NR1I2: variants seen among roughly 807,000 people sequenced by gnomAD.
The protein encoded by NR1I2 is orphan nuclear receptor PAR1.
A neutral mutation model predicts 43.3 loss-of-function variants in NR1I2; 42 were observed. The ratio of observed to expected loss-of-function variants is 0.97; its 90% CI spans 0.76 to 1.26. The LOEUF (loss-of-function observed/expected upper bound fraction) is 1.26. Ranked by LOEUF, NR1I2 falls within the 50% of genes most tolerant of loss-of-function variation. The pLI, the probability that NR1I2 is intolerant of heterozygous loss-of-function variation, is 0.00. For synonymous variants in NR1I2, 229 were observed against 215.0 expected (o/e 1.06, Z -0.57); for missense variants, 559 against 566.7 (o/e 0.99, Z 0.14).
At position 119,802,964 on chromosome 3, in the gene NR1I2, TA is replaced by T. The variant is rs1206044519; in HGVS notation, c.-22-4264del. On this transcript the variant is annotated intron_variant, in intron 1 of 8. Coordinates refer to ENST00000393716, the MANE Select transcript of NR1I2 (RefSeq NM_003889.4). Reference sequence around the variant, plus strand: ...ATCCTCATCCCCAGTGTGATGGCTTTAGAAGATGGGGACTTTGGGGGGTGAT... The same window carrying T: ...ATCCTCATCCCCAGTGTGATGGCTTTGAAGATGGGGACTTTGGGGGGTGAT... 6.6e-6 allele frequency: 3 copies of T among 456,664 alleles called. No homozygotes were observed. In the East Asian group the frequency reaches 2.1e-4, roughly 32 times the overall value. The allele number at this position is 456,664 out of a possible 1,614,324, so 28.3% of individuals were successfully genotyped here. A position where few individuals can be genotyped will look rare whatever the true frequency, so the allele number is the denominator to read the frequency against.
chr3:119,792,481 C>A, intron 1 of NR1I2: 2 of 1,076,896 alleles, frequency 1.9e-6, no homozygotes, highest in Non-Finnish European at 2.8e-6. Context: ...ACATCACGTA[C>A]CAGCTCTCTC....
chr3:119,785,294 G>A (rs553747428), intron 1 of NR1I2, among the ~76,000 whole-genome samples: 14 of 152,268 alleles, frequency 9.2e-5, no homozygotes, highest in African/African-American at 2.4e-4. Context: ...TTTGGGACTT[G>A]TTGAGATTGA....
At chr3:119,814,871 C>T in intron 5 of NR1I2, 108 bp from the exon 6 acceptor site, 2 of 1,384,854 alleles carry the variant, frequency 1.4e-6, no homozygotes, top group Non-Finnish European at 2.0e-6. Context: ...AGGAGCCATC[C>T]TCCCTCTTCC....
intron 2 of NR1I2, among the ~76,000 whole-genome samples, chr3:119,809,530 G>C (rs2055206700): frequency 7.2e-6 from 1 of 138,944 alleles, no homozygotes; most frequent in Admixed American, 7.2e-5. Flanking sequence ...AGGGGAGCTG[G>C]AGAAGGCGGC....
At chr3:119,785,638 A>G (rs1261476424) in intron 1 of NR1I2, among the ~76,000 whole-genome samples, 1 of 152,188 alleles carries the variant, frequency 6.6e-6, no homozygotes, top group East Asian at 1.9e-4. Flanking sequence ...TCCAGGCCCC[A>G]GGCCTACAGG....
intron 1 of NR1I2, among the ~76,000 whole-genome samples, chr3:119,788,481 A>G (rs2054875068): frequency 6.6e-6 from 1 of 152,028 alleles, no homozygotes. Flanking sequence ...TCTCTTGCCC[A>G]GGCTGCAGTG....
chr3:119,816,505 C>T (rs1390631745), intron 8 of NR1I2, among the ~76,000 whole-genome samples: 4 of 152,142 alleles, frequency 2.6e-5, no homozygotes, highest in Middle Eastern at 3.2e-3. Flanking sequence ...CATTTTCCCA[C>T]GGAAGTCTCT....
chr3:119,805,209 G>A (rs1345760853), intron 1 of NR1I2, among the ~76,000 whole-genome samples: 1 of 152,022 alleles, frequency 6.6e-6, no homozygotes, highest in East Asian at 1.9e-4. Context: ...ATAACTCAGG[G>A]CATTTTCTCA....
chr3:119,813,847 C>A (rs1328211125), intron 5 of NR1I2, among the ~76,000 whole-genome samples: 2 of 152,146 alleles, frequency 1.3e-5, no homozygotes, highest in Non-Finnish European at 2.9e-5. Context: ...CAGTGACTGA[C>A]AATTTAACAC....
intron 3 of NR1I2, 73 bp downstream of exon 3, chr3:119,810,267 G>C (rs1427554132): frequency 5.2e-6 from 8 of 1,529,056 alleles, no homozygotes; most frequent in Non-Finnish European, 7.1e-6. Flanking sequence ...GTGGGTGTGG[G>C]CATGCTTGTG....
At chr3:119,812,547 G>A (rs1362216821) in intron 4 of NR1I2, 139 bp from the exon 5 acceptor site, 8 of 865,206 alleles carry the variant, frequency 9.2e-6, no homozygotes, top group Non-Finnish European at 1.4e-5. Context: ...ACGCATGCAT[G>A]TGGGTGTGAA....
chr3:119,809,374 T>C (rs569464039), intron 2 of NR1I2, among the ~76,000 whole-genome samples: 1 of 152,132 alleles, frequency 6.6e-6, no homozygotes, highest in African/African-American at 2.4e-5. Context: ...GGGTCCCGCC[T>C]GCACGCTCTG....
intron 3 of NR1I2, 102 bp from the exon 4 acceptor site, chr3:119,811,437 T>G: frequency 8.5e-7 from 1 of 1,174,430 alleles, no homozygotes; most frequent in East Asian, 2.6e-5. Flanking sequence ...CTCTTTTGCC[T>G]AACGGCTTCT....
chr3:119,791,010 A>T (rs926992626), intron 1 of NR1I2, among the ~76,000 whole-genome samples: 1 of 152,118 alleles, frequency 6.6e-6, no homozygotes, highest in African/African-American at 2.4e-5. Flanking sequence ...CAGGGTGATG[A>T]CTGCTTTGGT....
intron 1 of NR1I2, chr3:119,792,135 A>T: frequency 1.2e-6 from 1 of 818,108 alleles, no homozygotes; most frequent in Non-Finnish European, 2.2e-6. Flanking sequence ...GCTTCCTCGC[A>T]TCTTCACCAG....
chr3:119,805,730 AAAG>A (rs1460308709), intron 1 of NR1I2, among the ~76,000 whole-genome samples: 1 of 138,518 alleles, frequency 7.2e-6, no homozygotes, highest in Admixed American at 7.3e-5. Flanking sequence ...AAAAAAAAGA[AAAG>A]AAAAGAAAAA....
intron 1 of NR1I2, among the ~76,000 whole-genome samples, chr3:119,795,344 T>A (rs1038177062): frequency 3.3e-5 from 5 of 152,190 alleles, no homozygotes; most frequent in Admixed American, 6.5e-5. Flanking sequence ...AAAAGGGCTC[T>A]GAGGCATTGT....
At chr3:119,811,858 C>A in intron 4 of NR1I2, 132 bp downstream of exon 4, 1 of 888,468 alleles carries the variant, frequency 1.1e-6, no homozygotes, top group Non-Finnish European at 1.8e-6. Context: ...ATTTGGAGAG[C>A]TGGTCCTGCA....
At chr3:119,793,346 A>G (rs1559784127) in intron 1 of NR1I2, among the ~76,000 whole-genome samples, 1 of 152,188 alleles carries the variant, frequency 6.6e-6, no homozygotes, top group Non-Finnish European at 1.5e-5. Flanking sequence ...AGTTACCACA[A>G]GGAAAATGAA....
Sources: allele counts gnomAD v4.1 joint callset (sites outside exome capture counted in the v4.1 genomes callset), GRCh38; gene constraint gnomAD v4.1.1; transcripts MANE v1.5; gene names NCBI Gene and HGNC (gene_info 2026-07-23, HGNC 2026-07-21).